Variants in SYTL3 observed in about 807,000 individuals in gnomAD.
The protein encoded by SYTL3 is synaptotagmin like 3, also known as synaptotagmin-like protein 3.
A neutral mutation model predicts 82.1 loss-of-function variants in SYTL3; 88 were observed. The ratio of observed to expected loss-of-function variants is 1.07; its 90% CI spans 0.90 to 1.28. The LOEUF (loss-of-function observed/expected upper bound fraction) is 1.28, where lower values mean the gene tolerates loss of function less well. Ranked by LOEUF, SYTL3 falls within the 50% of genes most tolerant of loss-of-function variation. SYTL3 has a pLI of 0.00. For synonymous variants in SYTL3, 311 were observed against 289.4 expected (o/e 1.07, Z -0.76); for missense variants, 831 against 757.6 (o/e 1.10, Z -1.14).
intron 8 of SYTL3, among the ~76,000 whole-genome samples, chr6:158,711,139 C>T (rs1583326430): frequency 6.6e-6 from 1 of 152,168 alleles, no homozygotes; most frequent in African/African-American, 2.4e-5. Flanking sequence ...TTGCTCCAGT[C>T]GTTGCAATTA....
chr6:158,709,172 G>A (rs1361895274), intron 8 of SYTL3, among the ~76,000 whole-genome samples: 2 of 152,154 alleles, frequency 1.3e-5, no homozygotes, highest in Non-Finnish European at 1.5e-5. Context: ...GGTGGAGGTT[G>A]CAGTGAGCCA....
chr6:158,750,121 GA>G (rs1240869688), intron 12 of SYTL3, among the ~76,000 whole-genome samples: 2 of 152,068 alleles, frequency 1.3e-5, no homozygotes, highest in Non-Finnish European at 2.9e-5. Context: ...ACATAATATT[GA>G]GTGAAAAAAA....
intron 11 of SYTL3, among the ~76,000 whole-genome samples, chr6:158,742,742 G>A (rs1197353799): frequency 6.6e-5 from 10 of 151,872 alleles, no homozygotes; most frequent in East Asian, 3.9e-4. Context: ...TACCATGCCC[G>A]GCTAATTTTT....
intron 13 of SYTL3, among the ~76,000 whole-genome samples, chr6:158,754,833 C>T (rs982021188): frequency 1.3e-5 from 2 of 152,186 alleles, no homozygotes; most frequent in Non-Finnish European, 2.9e-5. Context: ...CTGAGCGTCG[C>T]CCACACACAG....
intron 6 of SYTL3, among the ~76,000 whole-genome samples, chr6:158,684,355 T>C (rs1222209285): frequency 6.6e-6 from 1 of 152,236 alleles, no homozygotes; most frequent in Non-Finnish European, 1.5e-5. Flanking sequence ...GTTTATTTTC[T>C]TTTTCAAAAG....
intron 6 of SYTL3, among the ~76,000 whole-genome samples, chr6:158,702,466 C>G (rs1583293072): frequency 6.6e-6 from 1 of 151,558 alleles, no homozygotes; most frequent in Non-Finnish European, 1.5e-5. Flanking sequence ...CGCTTGAGCC[C>G]TGGAGTGAGA....
chr6:158,749,001 A>C (rs1331929351), intron 12 of SYTL3, among the ~76,000 whole-genome samples: 2 of 151,892 alleles, frequency 1.3e-5, no homozygotes, highest in East Asian at 3.9e-4. Flanking sequence ...AGGGTGGATC[A>C]CCTGAGGGTC....
At chr6:158,651,996 C>T (rs1191656689) in intron 2 of SYTL3, among the ~76,000 whole-genome samples, 154 bp downstream of exon 2, 1 of 146,846 alleles carries the variant, frequency 6.8e-6, no homozygotes, top group Non-Finnish European at 1.5e-5. Context: ...GGCACGATCT[C>T]GGTTCACTGC....
At chr6:158,705,585 G>A (rs1462465125) in intron 6 of SYTL3, among the ~76,000 whole-genome samples, 1 of 150,332 alleles carries the variant, frequency 6.7e-6, no homozygotes, top group African/African-American at 2.5e-5. Flanking sequence ...CTGGGGGCAG[G>A]GTAACAGTGA....
intron 11 of SYTL3, among the ~76,000 whole-genome samples, chr6:158,743,680 A>C (rs1470892232): frequency 7.4e-6 from 1 of 135,740 alleles, no homozygotes; most frequent in Non-Finnish European, 1.5e-5. Context: ...TCCTGACTTC[A>C]AGTGATCCGC....
At chr6:158,662,095 A>G (rs1441168407) in intron 3 of SYTL3, among the ~76,000 whole-genome samples, 1 of 152,220 alleles carries the variant, frequency 6.6e-6, no homozygotes, top group Non-Finnish European at 1.5e-5. Context: ...CTAATTTGCC[A>G]TGGATCATAA....
intron 6 of SYTL3, among the ~76,000 whole-genome samples, chr6:158,686,230 CT>C (rs1336948226): frequency 6.6e-6 from 1 of 152,162 alleles, no homozygotes; most frequent in African/African-American, 2.4e-5. Context: ...TGCCTTATAA[CT>C]TTAAGAATAA....
intron 16 of SYTL3, among the ~76,000 whole-genome samples, chr6:158,762,660 T>C (rs1790130857): frequency 6.6e-6 from 1 of 152,170 alleles, no homozygotes; most frequent in South Asian, 2.1e-4. Context: ...CTCGTGCCTG[T>C]AATCCCAGCA....
At chr6:158,720,195 C>T (rs1040293446) in intron 10 of SYTL3, among the ~76,000 whole-genome samples, 2 of 151,976 alleles carry the variant, frequency 1.3e-5, no homozygotes, top group South Asian at 2.1e-4. Flanking sequence ...TGAGTTCAGG[C>T]GTTCGAGAGC....
intron 5 of SYTL3, among the ~76,000 whole-genome samples, chr6:158,671,467 A>G (rs964919995): frequency 4.6e-5 from 7 of 152,144 alleles, no homozygotes; most frequent in Admixed American, 6.6e-5. Flanking sequence ...GGTTCACACC[A>G]AGAATGGTTT....
chr6:158,760,862 C>T (rs1323171509), intron 15 of SYTL3, 117 bp downstream of exon 15: 6 of 760,952 alleles, frequency 7.9e-6, no homozygotes, highest in African/African-American at 6.9e-5. Flanking sequence ...CGTCCCCGTG[C>T]CCAGCTCCAG....
At chr6:158,745,368 G>A in intron 11 of SYTL3, 112 bp from the exon 12 acceptor site, 1 of 916,012 alleles carries the variant, frequency 1.1e-6, no homozygotes, top group South Asian at 1.6e-5. Context: ...AACTTGATGT[G>A]AGTCAGGATA....
rs1218906781 is a variant in SYTL3 at position 158,663,097 on chromosome 6, C to T, written c.-172C>T. ...CTTTCTTCTTCTAAGGAGTATGACACAGTTAAAAAGGAAAAAAGAACCACA... is the reference window on the plus strand; with the variant it reads ...CTTTCTTCTTCTAAGGAGTATGACATAGTTAAAAAGGAAAAAAGAACCACA... On this transcript the variant is annotated 5_prime_UTR_variant, in exon 4 of 18. It introduces an in-frame stop codon into an upstream open reading frame of the 5' UTR. Transcript: ENST00000611299. 1 of 597,776 alleles carries T rather than the reference C, an allele frequency of 1.7e-6. No homozygotes were observed. The highest frequency in any genetic ancestry group is 3.0e-6 in the Non-Finnish European group (1 of 338,112). The allele number at this position is 597,776 out of a possible 1,614,324, so 37.0% of individuals were successfully genotyped here.
chr6:158,738,612 A>G (rs1786509691), intron 11 of SYTL3, among the ~76,000 whole-genome samples: 1 of 151,962 alleles, frequency 6.6e-6, no homozygotes, highest in Non-Finnish European at 1.5e-5. Flanking sequence ...TAAACCTTCC[A>G]TTCCCCTCCA....
Sources: allele counts gnomAD v4.1 joint callset (sites outside exome capture counted in the v4.1 genomes callset), GRCh38; gene constraint gnomAD v4.1.1; transcripts MANE v1.5; gene names NCBI Gene and HGNC (gene_info 2026-07-23, HGNC 2026-07-21).